PRKN: variants seen among roughly 807,000 people sequenced by gnomAD.
PRKN encodes the protein parkin RBR E3 ubiquitin protein ligase.
A neutral mutation model predicts 59.5 loss-of-function variants in PRKN; 56 were observed. The ratio of observed to expected loss-of-function variants is 0.94; its 90% CI spans 0.76 to 1.18. The LOEUF is 1.18. Among genes scored for constraint, PRKN ranks in the 50% most tolerant of loss-of-function variants. PRKN has a pLI of 0.00. For missense variants in PRKN, 657 were observed against 596.4 expected (o/e 1.10, Z -1.06); for synonymous variants, 250 against 222.1 (o/e 1.13, Z -1.12).
intron 1 of PRKN, among the ~76,000 whole-genome samples, chr6:162,676,350 T>C (rs992881396): frequency 1.4e-5 from 2 of 144,398 alleles, no homozygotes; most frequent in African/African-American, 5.1e-5. Flanking sequence ...TTATTGGAAA[T>C]ATCAAAAAAA....
In PRKN at chr6:161,407,924, C is replaced by A. The variant is rs1296875050; in HGVS notation, c.1084-21047G>T. 3.3e-5 allele frequency among the ~76,000 whole-genome samples: 5 copies of A among 152,186 alleles called. No individual in the cohort carries two copies. The highest frequency in any genetic ancestry group is 7.2e-5 in the African/African-American group (3 of 41,442). On this transcript the variant is annotated intron_variant, in intron 9 of 11. Coordinates refer to ENST00000366898, the MANE Select transcript of PRKN (RefSeq NM_004562.3). The surrounding 1 kb of genome is among the most constrained non-coding windows in gnomAD (Gnocchi z 4.9). ...AATAGATAACCTCCTTTAACTGTAACTTTCCACTGCCTACCCAAGTCCTAT... is the reference window on the plus strand; with the variant it reads ...AATAGATAACCTCCTTTAACTGTAAATTTCCACTGCCTACCCAAGTCCTAT...
At chr6:162,169,651 C>T (rs1783167546) in intron 4 of PRKN, among the ~76,000 whole-genome samples, 1 of 152,158 alleles carries the variant, frequency 6.6e-6, no homozygotes, top group Admixed American at 6.5e-5. Context: ...TTGTGTATCT[C>T]CTCTGTAGGC....
At chr6:162,574,800 G>A (rs1021902768) in intron 1 of PRKN, among the ~76,000 whole-genome samples, 1 of 141,898 alleles carries the variant, frequency 7.0e-6, no homozygotes. Flanking sequence ...TAGACAAAAA[G>A]AGGTATTTTG....
intron 4 of PRKN, among the ~76,000 whole-genome samples, chr6:162,192,787 C>T (rs1371834231): frequency 6.6e-6 from 1 of 152,002 alleles, no homozygotes; most frequent in Non-Finnish European, 1.5e-5. Context: ...ACTTCCTGCC[C>T]ACAATTTTGA....
In PRKN at chr6:161,750,098, C is replaced by CATATATATATAT. The variant is rs72125109; in HGVS notation, c.871+35662_871+35673dup. Among the ~76,000 whole-genome samples the CATATATATATAT allele has an allele frequency of 4.3e-3, 626 of 145,136 alleles. 3 individuals carry two copies. Among genetic ancestry groups the CATATATATATAT allele is most frequent in the Non-Finnish European group, 6.4e-3 (429 of 66,546 alleles). On this transcript the variant is annotated intron_variant, in intron 7 of 11. Transcript: ENST00000366898. ...ATTAATGGATATAGCACACATAGGA[C>CATATATATATAT]ATATATATATATATATATATACACA...
chr6:162,063,340 A>C (rs546833132), intron 4 of PRKN, among the ~76,000 whole-genome samples: 2 of 152,386 alleles, frequency 1.3e-5, no homozygotes, highest in South Asian at 4.1e-4. Context: ...AAGACGTATA[A>C]GTGGCCAATA....
chr6:162,164,566 A>T (rs1411527231), intron 4 of PRKN, among the ~76,000 whole-genome samples: 2 of 148,778 alleles, frequency 1.3e-5, no homozygotes, highest in Non-Finnish European at 3.0e-5. Context: ...GGAATGCCCT[A>T]ATCTATATGT....
chr6:162,619,426 G>A (rs1021320427), intron 1 of PRKN, among the ~76,000 whole-genome samples: 4 of 151,854 alleles, frequency 2.6e-5, no homozygotes, highest in Admixed American at 6.6e-5. Flanking sequence ...AAAACTATGC[G>A]TTTACTACTT....
In PRKN at chr6:161,428,445, T is replaced by C. The variant is rs7746813; in HGVS notation, c.1084-41568A>G. ...AGCTTCAGGGTCCACACGAGCCTCA[T>C]GGAGAGACAGGCGGCTGCTCCGTCC... On this transcript the variant is annotated intron_variant, in intron 9 of 11. Transcript: ENST00000366898. The surrounding 1 kb of genome is among the most constrained non-coding windows in gnomAD (Gnocchi z 4.0). Among the ~76,000 whole-genome samples, 111,585 of 152,058 alleles carry C rather than the reference T, an allele frequency of 0.73. 41,074 individuals carry two copies. Among genetic ancestry groups the C allele is most frequent in the East Asian group, 0.88 (4,526 of 5,144 alleles).
chr6:162,276,156 C>T (rs1780630122), intron 2 of PRKN, among the ~76,000 whole-genome samples: 1 of 152,114 alleles, frequency 6.6e-6, no homozygotes, highest in Non-Finnish European at 1.5e-5. Flanking sequence ...ATCACGAGTT[C>T]AATCTGATAT....
chr6:162,502,558 CA>C (rs1240172591), intron 1 of PRKN, among the ~76,000 whole-genome samples: 1 of 151,994 alleles, frequency 6.6e-6, no homozygotes, highest in African/African-American at 2.4e-5. Context: ...AGCAAATTAT[CA>C]TGCCTAATAA....
intron 5 of PRKN, among the ~76,000 whole-genome samples, chr6:162,018,620 T>C (rs1343030943): frequency 2.0e-5 from 3 of 152,204 alleles, no homozygotes; most frequent in African/African-American, 7.2e-5. Flanking sequence ...TTACAATTAG[T>C]ATAGAAAATT....
intron 4 of PRKN, among the ~76,000 whole-genome samples, chr6:162,064,108 A>G (rs1172670706): frequency 6.6e-6 from 1 of 152,212 alleles, no homozygotes; most frequent in African/African-American, 2.4e-5. Context: ...TCACACAACC[A>G]CATGGATGAG....
intron 7 of PRKN, among the ~76,000 whole-genome samples, chr6:161,716,374 T>C (rs976371740): frequency 1.3e-5 from 2 of 152,204 alleles, no homozygotes; most frequent in African/African-American, 4.8e-5. Context: ...CAGTGCTTTT[T>C]TCCCCCTAAA....
chr6:162,049,725 G>C (rs2128284195), intron 5 of PRKN, among the ~76,000 whole-genome samples: 1 of 152,220 alleles, frequency 6.6e-6, no homozygotes, highest in Admixed American at 6.5e-5. Context: ...TGATTTGAAT[G>C]TCCACGTGTA....
rs560653810 is a variant in PRKN, at chr6:162,638,784, G to A, written c.7+88878C>T. On this transcript the variant is annotated intron_variant, in intron 1 of 11. Coordinates refer to ENST00000366898, the MANE Select transcript of PRKN (RefSeq NM_004562.3). The stretch of plus-strand genomic sequence containing the variant: ...TTTTTGGCAGAGTTTTGCTCTTGTT[G>A]CCCATGCTGGAGTGCAATGGCATGA... Among the ~76,000 whole-genome samples the A allele has an allele frequency of 4.6e-4, 54 of 118,030 alleles. 1 individual carries two copies. In the Admixed American group the frequency reaches 5.5e-3, roughly 12 times the overall value. The allele number at this position is 118,030 out of a possible 152,430, so 77.4% of individuals were successfully genotyped here.
At chr6:162,286,761 G>T (rs74732866) in intron 2 of PRKN, among the ~76,000 whole-genome samples, 1 of 152,098 alleles carries the variant, frequency 6.6e-6, no homozygotes, top group African/African-American at 2.4e-5. Flanking sequence ...AGTAGCTGGC[G>T]TTTAAACAGA....
chr6:162,251,898 T>C (rs1043752197), intron 3 of PRKN, among the ~76,000 whole-genome samples: 1 of 152,208 alleles, frequency 6.6e-6, no homozygotes, highest in African/African-American at 2.4e-5. Flanking sequence ...CTCTTGATAG[T>C]TTTCCATTTT....
At chr6:162,415,825 A>C (rs796577635) in intron 2 of PRKN, among the ~76,000 whole-genome samples, 43 of 152,174 alleles carry the variant, frequency 2.8e-4, no homozygotes, top group African/African-American at 9.2e-4. Flanking sequence ...AAAAAAGTTA[A>C]GACAACCTCA....
Sources: allele counts gnomAD v4.1 joint callset (sites outside exome capture counted in the v4.1 genomes callset), GRCh38; gene constraint gnomAD v4.1.1; non-coding constraint Gnocchi (gnomAD v3.1); transcripts MANE v1.5; gene names NCBI Gene and HGNC (gene_info 2026-07-23, HGNC 2026-07-21).